PHLPP2: variants seen among roughly 807,000 people sequenced by gnomAD.
PHLPP2 encodes the protein PH domain and leucine rich repeat protein phosphatase 2.
In PHLPP2, 66 loss-of-function variants were observed where a neutral mutation model predicts 124.9. The ratio of observed to expected loss-of-function variants is 0.53; its 90% CI spans 0.43 to 0.65. PHLPP2 has a LOEUF of 0.65. PHLPP2 is among the 30% of genes least tolerant of loss of function. PHLPP2 has a pLI of 0.00. For missense variants in PHLPP2, 1,685 were observed against 1,600.4 expected (o/e 1.05, Z -0.90); for synonymous variants, 681 against 624.7 (o/e 1.09, Z -1.34).
chr16:71,676,187 C>T (rs968483094), intron 9 of PHLPP2, among the ~76,000 whole-genome samples: 13 of 152,092 alleles, frequency 8.5e-5, no homozygotes, highest in African/African-American at 3.1e-4. Flanking sequence ...ACATGCTTGC[C>T]CACCTCCCCA....
chr16:71,656,332 G>T (rs2044741617), intron 16 of PHLPP2, among the ~76,000 whole-genome samples: 1 of 152,180 alleles, frequency 6.6e-6, no homozygotes, highest in African/African-American at 2.4e-5. Context: ...AAAGAAAGTA[G>T]CATCTACCCA....
chr16:71,708,206 AATGTCAAGCCTCTGAGCCC>A (rs1390601919), intron 2 of PHLPP2, among the ~76,000 whole-genome samples: 2 of 152,220 alleles, frequency 1.3e-5, no homozygotes, highest in Non-Finnish European at 2.9e-5. Flanking sequence ...AAAAGACAGG[AATGTCAAGCCTCTGAGCCC>A]AAGACTGCCT....
In PHLPP2 at chr16:71,648,882, T is replaced by C; in HGVS notation, c.*8A>G. Reference sequence around the variant, plus strand: ...CAGCCTCCTCCCACACTGTGCCCAGTGGGGCAGTCATAGTGCTGTGTCGAA... The same window carrying C: ...CAGCCTCCTCCCACACTGTGCCCAGCGGGGCAGTCATAGTGCTGTGTCGAA... On this transcript the variant is annotated 3_prime_UTR_variant, in exon 19 of 19. Coordinates refer to ENST00000568954, the MANE Select transcript of PHLPP2 (RefSeq NM_015020.3). 2 of 1,602,690 alleles carry C rather than the reference T, an allele frequency of 1.2e-6. No individual in the cohort carries two copies. Among genetic ancestry groups the C allele is most frequent in the South Asian group, 1.1e-5 (1 of 90,604 alleles).
Position 71,715,913 on chromosome 16 carries a change from T to C in PHLPP2, c.-6-1112A>G, listed in dbSNP as rs185200997. Reference sequence around the variant, plus strand: ...TGGGAGGCTGAGGTAGGAGAATCACTTGAACCCAGGAGGCAGAGATTGCAG... The same window carrying C: ...TGGGAGGCTGAGGTAGGAGAATCACCTGAACCCAGGAGGCAGAGATTGCAG... On this transcript the variant is annotated intron_variant, in intron 1 of 18. Transcript: ENST00000568954. Among the ~76,000 whole-genome samples, 95 of 151,592 alleles carry C rather than the reference T, an allele frequency of 6.3e-4. 1 individual carries two copies. In the East Asian group the frequency reaches 0.018, roughly 29 times the overall value.
rs2045100838 is a variant in PHLPP2 at position 71,690,576 on chromosome 16, G to A, written c.552C>T (p.Ser184=). The change falls in exon 4 of 19, where the codon TCC becomes TCT. Residue 184 remains serine (S), a synonymous_variant. Coordinates refer to ENST00000568954, the MANE Select transcript of PHLPP2 (RefSeq NM_015020.3). ...VVLCGTCLIV[S]SVKDCQTGKM... is the part of the protein sequence containing the mutation. ...TTCCAGTTTGACAATCCTTCACTGA[G>A]GAAACGATAAGGCAGGTACCACAGA... 8 of 1,613,518 alleles carry A rather than the reference G, an allele frequency of 5.0e-6. No individual in the cohort carries two copies. Among genetic ancestry groups the A allele is most frequent in the African/African-American group, 2.7e-5 (2 of 75,012 alleles).
chr16:71,702,549 T>A, intron 3 of PHLPP2, 49 bp downstream of exon 3: 1 of 1,490,314 alleles, frequency 6.7e-7, no homozygotes, highest in Non-Finnish European at 9.2e-7. Context: ...GAGGCACAAA[T>A]GATCAACCTA....
chr16:71,715,863 G>C (rs2045359470), intron 1 of PHLPP2, among the ~76,000 whole-genome samples: 1 of 151,090 alleles, frequency 6.6e-6, no homozygotes, highest in Non-Finnish European at 1.5e-5. Flanking sequence ...GAGTGTGGTG[G>C]CACGTGCCTG....
At chr16:71,686,529 T>C (rs1413084060) in intron 4 of PHLPP2, among the ~76,000 whole-genome samples, 2 of 152,124 alleles carry the variant, frequency 1.3e-5, no homozygotes, top group African/African-American at 4.8e-5. Flanking sequence ...TTTTTATAAA[T>C]GAATAAATAC....
At chr16:71,690,939 A>C (rs1186047550) in intron 3 of PHLPP2, among the ~76,000 whole-genome samples, 1 of 152,202 alleles carries the variant, frequency 6.6e-6, no homozygotes, top group Non-Finnish European at 1.5e-5. Context: ...TGCCATTGTT[A>C]CATTAACCCT....
Position 71,681,831 on chromosome 16 carries a change from A to G in PHLPP2, c.810T>C (p.Tyr270=). ...AGTTGAGGTAGGTAATATCTTGACT[A>G]TAGAAGAGATGCTCAGGAACCTCCT... ...SLEEVPEHLF[Y]SQDITYLNLR... Residue 270 remains tyrosine, a synonymous_variant, in exon 6 of 19, where the codon TAT becomes TAC. Transcript: ENST00000568954. The G allele has an allele frequency of 6.2e-7, 1 of 1,613,902 alleles. No individual in the cohort carries two copies. Among genetic ancestry groups the G allele is most frequent in the Non-Finnish European group, 8.5e-7 (1 of 1,179,846 alleles).
At chr16:71,655,503 C>CA in intron 16 of PHLPP2, 69 bp from the exon 17 acceptor site, 2 of 795,572 alleles carry the variant, frequency 2.5e-6, no homozygotes, top group Non-Finnish European at 3.8e-6. Context: ...AGGGAGCATT[C>CA]TTTTTTTTTT....
chr16:71,658,715 G>A lies in PHLPP2; in HGVS notation c.2086C>T (p.Leu696Phe). Residue 696 changes from leucine (L) to phenylalanine (F), a missense_variant, in exon 14 of 19, where the codon CTT becomes TTT. Physicochemically the swap from Leu to Phe is conservative, Grantham distance 22 (BLOSUM62 0). Transcript: ENST00000568954. ...CTGATGTTGTTGGAGTGTGCAACAAGGGTGTGCAGCCTTTTACAGTTTGCT... is the reference window on the plus strand; with the variant it reads ...CTGATGTTGTTGGAGTGTGCAACAAAGGTGTGCAGCCTTTTACAGTTTGCT... ...TIANCKRLHTLVAHSNNISIF... is the reference protein window; with the variant it reads ...TIANCKRLHTFVAHSNNISIF... 6.2e-7 allele frequency: 1 copy of A among 1,614,132 alleles called. No individual in the cohort carries two copies. Among genetic ancestry groups the A allele is most frequent in the Non-Finnish European group, 8.5e-7 (1 of 1,179,978 alleles).
intron 2 of PHLPP2, among the ~76,000 whole-genome samples, chr16:71,711,697 C>T (rs1178829142): frequency 1.3e-5 from 2 of 152,114 alleles, no homozygotes; most frequent in Admixed American, 6.5e-5. Context: ...TCTCTTTATG[C>T]TTTTTCATTT....
intron 16 of PHLPP2, 118 bp from the exon 17 acceptor site, chr16:71,655,552 G>GAGTGC (rs1312614950): frequency 1.2e-5 from 8 of 681,676 alleles, no homozygotes; most frequent in Non-Finnish European, 1.9e-5. Flanking sequence ...ACCCAGGCTG[G>GAGTGC]AGTGCAGTGG....
chr16:71,689,597 T>G (rs1338873966), intron 4 of PHLPP2, among the ~76,000 whole-genome samples: 1 of 151,678 alleles, frequency 6.6e-6, no homozygotes, highest in African/African-American at 2.4e-5. Flanking sequence ...GGGGTTTCAC[T>G]ATGTTGGCCA....
intron 15 of PHLPP2, among the ~76,000 whole-genome samples, chr16:71,657,734 A>C (rs935900711): frequency 6.6e-6 from 1 of 152,176 alleles, no homozygotes; most frequent in Non-Finnish European, 1.5e-5. Context: ...TGGACTGACT[A>C]AGATTCATTT....
At chr16:71,719,610 T>A (rs575032110) in intron 1 of PHLPP2, among the ~76,000 whole-genome samples, 44 of 150,828 alleles carry the variant, frequency 2.9e-4, no homozygotes, top group African/African-American at 1.0e-3. Flanking sequence ...CCAAAACTAT[T>A]CTTGAAAAAA....
At chr16:71,699,426 G>A (rs2045206915) in intron 3 of PHLPP2, among the ~76,000 whole-genome samples, 1 of 152,146 alleles carries the variant, frequency 6.6e-6, no homozygotes, top group African/African-American at 2.4e-5. Context: ...CTGGACATCA[G>A]GGAGAGGCGA....
intron 13 of PHLPP2, among the ~76,000 whole-genome samples, chr16:71,660,417 CTG>C (rs2044778599): frequency 8.4e-6 from 1 of 119,212 alleles, no homozygotes; most frequent in Non-Finnish European, 1.7e-5. Context: ...ATTATATACA[CTG>C]TATTTTTTTT....
Sources: allele counts gnomAD v4.1 joint callset (sites outside exome capture counted in the v4.1 genomes callset), GRCh38; gene constraint gnomAD v4.1.1; transcripts MANE v1.5; gene names NCBI Gene and HGNC (gene_info 2026-07-23, HGNC 2026-07-21).